The following KIF21B variants were observed in gnomAD, a reference collection of about 807,000 sequenced individuals.
KIF21B encodes the protein kinesin-like protein KIF21B.
A neutral mutation model predicts 192.9 loss-of-function variants in KIF21B; 85 were observed. The ratio of observed to expected loss-of-function variants is 0.44; its 90% CI spans 0.37 to 0.53. KIF21B has a LOEUF of 0.53. KIF21B is among the 20% of genes least tolerant of loss of function. The pLI is 0.00. For missense variants in KIF21B, 1,716 were observed against 2,194.8 expected (o/e 0.78, Z 4.36); for synonymous variants, 832 against 884.6 (o/e 0.94, Z 1.05).
rs1244248989 is a variant in KIF21B at position 201,000,846 on chromosome 1, A to G, written c.1403-66T>C. On this transcript the variant is annotated intron_variant, in intron 9 of 34. Coordinates refer to ENST00000461742, the MANE Select transcript of KIF21B (RefSeq NM_001252102.2). The surrounding 1 kb of genome is among the most constrained non-coding windows in gnomAD (Gnocchi z 6.0). ...TAAATAGGCCAGCGCGGTGGCTCAG[A>G]CCTATAATTCCAGCACTTTGGGAGG... 1.3e-6 allele frequency: 2 copies of G among 1,558,446 alleles called. No homozygotes were observed. The highest frequency in any genetic ancestry group is 1.8e-6 in the Non-Finnish European group (2 of 1,130,598).
At chr1:200,976,507 T>G (rs550173798) in intron 32 of KIF21B, among the ~76,000 whole-genome samples, 4 of 152,370 alleles carry the variant, frequency 2.6e-5, no homozygotes, top group African/African-American at 9.6e-5. Context: ...TTTTAATAGC[T>G]GCAATGCATC....
At chr1:200,986,573 G>T (rs1487442431) in intron 26 of KIF21B, among the ~76,000 whole-genome samples, 1 of 152,014 alleles carries the variant, frequency 6.6e-6, no homozygotes, top group African/African-American at 2.4e-5. Context: ...GGCCAGGCTG[G>T]TCTCAAACTC....
rs1429787282 is a variant in KIF21B at position 200,988,358 on chromosome 1, G to A, written c.3351-5C>T. ...ATGGTGAATGACTGGGAGAAGCTGA[G>A]GAAGAAGCAGAGAGAGTTCAGGATC... On this transcript the variant is annotated splice_polypyrimidine_tract_variant and splice_region_variant and intron_variant, in intron 23 of 34. Transcript: ENST00000461742. The A allele has an allele frequency of 6.2e-7, 1 of 1,614,006 alleles. No individual in the cohort carries two copies. Among genetic ancestry groups the A allele is most frequent in the Admixed American group, 1.7e-5 (1 of 60,000 alleles).
chr1:200,974,996 G>C, intron 33 of KIF21B, 83 bp from the exon 34 acceptor site: 1 of 1,391,862 alleles, frequency 7.2e-7, no homozygotes, highest in Non-Finnish European at 1.0e-6. Flanking sequence ...GCTAGTAGTG[G>C]AGCTACTTCC....
chr1:200,999,287 A>C lies in KIF21B; in HGVS notation c.1885+62T>G. 2 of 1,606,844 alleles carry C rather than the reference A, an allele frequency of 1.2e-6. No homozygotes were observed. The highest frequency in any genetic ancestry group is 1.7e-6 in the Non-Finnish European group (2 of 1,174,230). On this transcript the variant is annotated intron_variant, in intron 13 of 34. Transcript: ENST00000461742. The surrounding 1 kb of genome is among the most constrained non-coding windows in gnomAD (Gnocchi z 4.7). Reference sequence around the variant, plus strand: ...TTATCTTTGAGCAGGGCCCGACCCCACACTTGGGCACTGGCAGCCAGGCAT... The same window carrying C: ...TTATCTTTGAGCAGGGCCCGACCCCCCACTTGGGCACTGGCAGCCAGGCAT...
chr1:200,973,524 G>A lies in KIF21B; in HGVS notation c.4869C>T (p.Pro1623=), dbSNP rs1415115268. ...SVRRLPHSGP[P] is the part of the protein sequence containing the mutation. Reference sequence around the variant, plus strand: ...GGGCATCCCTCTGACCTCACTCCTAGGGTGGGCCGCTGTGGGGTAACCGCC... The same window carrying A: ...GGGCATCCCTCTGACCTCACTCCTAAGGTGGGCCGCTGTGGGGTAACCGCC... Residue 1623 remains proline (P), a synonymous_variant, in exon 35 of 35, where the codon CCC becomes CCT. Coordinates refer to ENST00000461742, the MANE Select transcript of KIF21B (RefSeq NM_001252102.2). 23 of 1,480,654 alleles carry A rather than the reference G, an allele frequency of 1.6e-5. No homozygotes were observed. Among genetic ancestry groups the A allele is most frequent in the Middle Eastern group, 1.7e-4 (1 of 5,778 alleles). The allele number at this position is 1,480,654 out of a possible 1,614,324, so 91.7% of individuals were successfully genotyped here. A position where few individuals can be genotyped will look rare whatever the true frequency, so the allele number is the denominator to read the frequency against.
intron 14 of KIF21B, among the ~76,000 whole-genome samples, chr1:200,997,106 C>G (rs1168102851): frequency 6.6e-6 from 1 of 152,216 alleles, no homozygotes; most frequent in Admixed American, 6.5e-5. Context: ...TGGTCTCCAG[C>G]TTCCACTTTC....
At position 200,987,143 on chromosome 1, in the gene KIF21B, G is replaced by C. The variant is rs781538004; in HGVS notation, c.3467C>G (p.Pro1156Arg). 9.3e-6 allele frequency: 15 copies of C among 1,614,030 alleles called. No individual in the cohort carries two copies. The highest frequency in any genetic ancestry group is 1.6e-4 in the Middle Eastern group (1 of 6,062). Reference sequence around the variant, plus strand: ...GATGTTCTTGGTGGAGATATCCAGTGGGGGGCCCAGGCACTCAGCCGACAC... The same window carrying C: ...GATGTTCTTGGTGGAGATATCCAGTCGGGGGCCCAGGCACTCAGCCGACAC... ...KAVSAECLGP[P>R]LDISTKNITK... The change falls in exon 25 of 35, where the codon CCA becomes CGA. Residue 1156 changes from proline (P) to arginine (R), a missense_variant. By Grantham distance (103) the Pro-to-Arg change is moderately radical (BLOSUM62 -2). Transcript: ENST00000461742.
In KIF21B at chr1:201,002,329, C is replaced by T. The variant is rs142774440; in HGVS notation, c.1234G>A (p.Asp412Asn). ...AGATCACTATAGCCCTCAGCGCCAT[C>T]CTCTCCTATCACTCGCTTGCCCTGG... ...YKAGKRVIGE[D>N]GAEGYSDLFR... The change falls in exon 9 of 35, where the codon GAT (aspartate) becomes AAT (asparagine). Residue 412 changes from aspartate (D) to asparagine (N), a missense_variant. Asp to Asn is a conservative substitution (Grantham distance 23, BLOSUM62 1). Coordinates refer to ENST00000461742, the MANE Select transcript of KIF21B (RefSeq NM_001252102.2). 1.2e-6 allele frequency: 2 copies of T among 1,613,808 alleles called. No homozygotes were observed. The highest frequency in any genetic ancestry group is 1.7e-6 in the Non-Finnish European group (2 of 1,179,800).
Position 201,023,349 on chromosome 1 carries a change from G to T in KIF21B, c.35C>A (p.Ala12Asp). Residue 12 changes from alanine (A) to aspartate (D), a missense_variant, in exon 1 of 35, where the codon GCC (alanine) becomes GAC (aspartate). Ala to Asp is a moderately radical substitution (Grantham distance 126, BLOSUM62 -2). Around this residue, in one of 3 missense-constraint regions of KIF21B, gnomAD observed 1,087 missense variants for 1,316.6 expected, o/e 0.83. Coordinates refer to ENST00000461742, the MANE Select transcript of KIF21B (RefSeq NM_001252102.2). The surrounding 1 kb of genome is among the most constrained non-coding windows in gnomAD (Gnocchi z 5.9). ...CCCCGCCCCGGGTCCCTACCTGACG[G>T]CCACCTTGACGCAGCAGTCCCCCTG... is the stretch of plus-strand genomic sequence containing the variant. ...AGQGDCCVKV[A>D]VRIRPQLSKE... is the part of the protein sequence containing the mutation. The T allele has an allele frequency of 6.5e-7, 1 of 1,530,774 alleles. No individual in the cohort carries two copies. The highest frequency in any genetic ancestry group is 1.4e-5 in the African/African-American group (1 of 70,188). 94.8% of individuals were successfully genotyped at this position (1,530,774 alleles called of 1,614,324 possible). A position where few individuals can be genotyped will look rare whatever the true frequency, so the allele number is the denominator to read the frequency against.
In KIF21B at chr1:201,003,755, C is replaced by T; in HGVS notation, c.1043G>A (p.Ser348Asn). ...NSQTIMIACV[S>N]PSDRDFMETL... is the part of the protein sequence containing the mutation. ...CTCCATGAAATCTCGGTCTGAGGGG[C>T]TCACACAGGCGATCATGATGGTCTG... The change falls in exon 8 of 35, where the codon AGC (serine) becomes AAC (asparagine). Residue 348 changes from serine (S) to asparagine (N), a missense_variant. This residue lies in a region of KIF21B where 1,087 missense variants were observed against 1,316.6 expected (regional missense o/e 0.83). Transcript: ENST00000461742. 1 of 1,614,134 alleles carries T rather than the reference C, an allele frequency of 6.2e-7. No homozygotes were observed. Among genetic ancestry groups the T allele is most frequent in the Non-Finnish European group, 8.5e-7 (1 of 1,180,024 alleles).
chr1:200,984,279 G>A (rs1656138287), intron 27 of KIF21B, among the ~76,000 whole-genome samples: 1 of 152,238 alleles, frequency 6.6e-6, no homozygotes, highest in Non-Finnish European at 1.5e-5. Context: ...TTGTTTCATA[G>A]CCTAATGAAA....
chr1:200,999,466 C>T lies in KIF21B; in HGVS notation c.1768G>A (p.Glu590Lys), dbSNP rs1657319655. 2 of 1,613,554 alleles carry T rather than the reference C, an allele frequency of 1.2e-6. No individual in the cohort carries two copies. The highest frequency in any genetic ancestry group is 1.7e-5 in the Admixed American group (1 of 59,978). The change falls in exon 13 of 35, where the codon GAG becomes AAG. Residue 590 changes from glutamate (E) to lysine (K), a missense_variant and splice_region_variant. By Grantham distance (56) the Glu-to-Lys change is moderately conservative. Transcript: ENST00000461742. The surrounding 1 kb of genome is among the most constrained non-coding windows in gnomAD (Gnocchi z 4.7). Reference protein sequence around the residue: ...EETDENEAEEEEEERDESGCE... With the variant: ...EETDENEAEEKEEERDESGCE... ...CCACTCTCGTCTCGCTCTTCCTCCT[C>T]CTGGGCACCAGGCACCATTGGGGTG...
At chr1:201,022,474 C>T (rs1488315733) in intron 1 of KIF21B, among the ~76,000 whole-genome samples, 2 of 152,190 alleles carry the variant, frequency 1.3e-5, no homozygotes, top group African/African-American at 4.8e-5. Context: ...AGGTGTGAAG[C>T]ATCTCCACCC....
rs1656713166 is a variant in KIF21B at position 200,991,717 on chromosome 1, G to A, written c.2394C>T (p.Ile798=). 4 of 1,614,138 alleles carry A rather than the reference G, an allele frequency of 2.5e-6. No homozygotes were observed. The East Asian group carries it at 6.7e-5, about 27-fold the overall frequency. The change falls in exon 17 of 35, where the codon ATC becomes ATT. Residue 798 remains isoleucine (I), a synonymous_variant. Transcript: ENST00000461742. ...KKEQRRQEFQ[I]RALESQKRQQ... ...GCCGCTTCTGGGACTCCAGAGCTCG[G>A]ATCTGAAACTGTGGGAGACAGAAGA... is the stretch of plus-strand genomic sequence containing the variant.
Position 201,009,272 on chromosome 1 carries a change from A to G in KIF21B, c.258T>C (p.Tyr86=). The G allele has an allele frequency of 6.2e-7, 1 of 1,614,082 alleles. No individual in the cohort carries two copies. The highest frequency in any genetic ancestry group is 2.2e-5 in the East Asian group (1 of 44,892). Residue 86 remains tyrosine, a synonymous_variant, in exon 2 of 35, where the codon TAT becomes TAC. Coordinates refer to ENST00000461742, the MANE Select transcript of KIF21B (RefSeq NM_001252102.2). The part of the protein sequence containing the change: ...FEGYNATVLA[Y]GQTGAGKTYT... ...GGGCGTGAAGATGGCTTACCTGCCC[A>G]TAGGCCAGCACCGTGGCATTATAGC...
At chr1:200,977,849 C>T (rs1423106568) in intron 30 of KIF21B, among the ~76,000 whole-genome samples, 1 of 151,228 alleles carries the variant, frequency 6.6e-6, no homozygotes, top group East Asian at 1.9e-4. Flanking sequence ...ATTCTCCTGC[C>T]TCACCCTCCC....
intron 34 of KIF21B, chr1:200,973,869 C>G: frequency 4.8e-6 from 7 of 1,446,692 alleles, no homozygotes; most frequent in Non-Finnish European, 6.3e-6. Context: ...CTCCCTGGCA[C>G]CCATCTCCTG....
rs1459760662 is a variant in KIF21B at position 201,004,762 on chromosome 1, C to T, written c.900+4G>A. On this transcript the variant is annotated splice_donor_region_variant and intron_variant, in intron 6 of 34. Coordinates refer to ENST00000461742, the MANE Select transcript of KIF21B (RefSeq NM_001252102.2). ...CTGGGGCTGATGACCCACCATGTGC[C>T]TACCAGGCCACAGTTGATGGAGATG... 6.2e-7 allele frequency: 1 copy of T among 1,613,974 alleles called. No homozygotes were observed. Among genetic ancestry groups the T allele is most frequent in the Admixed American group, 1.7e-5 (1 of 60,012 alleles).
Sources: gnomAD v4.1 joint callset for allele counts (sites outside exome capture counted in the v4.1 genomes callset) on GRCh38, gnomAD v4.1.1 for gene constraint, gnomAD v4.1.1 regional missense constraint, Gnocchi (gnomAD v3.1) non-coding constraint, MANE v1.5 for transcripts, NCBI Gene and HGNC (gene_info 2026-07-23, HGNC 2026-07-21) for gene names.